OR56A3: variants seen among roughly 807,000 people sequenced by gnomAD.
OR56A3 encodes olfactory receptor family 56 subfamily A member 3, also known as olfactory receptor 56A3.
Under a neutral mutation model 17.5 loss-of-function variants are expected in OR56A3, and 23 were observed. That is an observed-to-expected ratio of 1.32 (90% CI 0.95 to 1.87). The LOEUF (loss-of-function observed/expected upper bound fraction) is 1.87, where lower values mean the gene tolerates loss of function less well. Ranked by LOEUF, OR56A3 falls within the 40% of genes most tolerant of loss-of-function variation. The probability of loss-of-function intolerance (pLI) is 0.00; values close to 1 mark genes in which losing one functional copy is unlikely to be tolerated. For missense variants in OR56A3, 366 were observed against 380.1 expected, an observed-to-expected ratio of 0.96 and a Z score of 0.31; for synonymous variants, 175 against 150.6, an observed-to-expected ratio of 1.16 and a Z score of -1.19.
the OR56A3 span, chr11:5,967,324 T>C: frequency 6.0e-6 from 3 of 500,402 alleles, no homozygotes; most frequent in East Asian, 9.7e-5. Context: ...ATAGATGAAG[T>C]CAAGAAAAAC....
At chr11:5,971,482 C>T in the OR56A3 span, among the ~76,000 whole-genome samples, 8 of 152,150 alleles carry the variant, frequency 5.3e-5, no homozygotes, top group Non-Finnish European at 7.3e-5. Context: ...GTCCTCATTC[C>T]TCCCTCACAT....
chr11:5,978,125 A>G, the OR56A3 span, among the ~76,000 whole-genome samples: 2 of 152,220 alleles, frequency 1.3e-5, no homozygotes, highest in African/African-American at 4.8e-5. Flanking sequence ...GTACAGTTTG[A>G]AGTTGGGTAA....
chr11:5,983,696 T>G, the OR56A3 span, among the ~76,000 whole-genome samples: 1 of 152,236 alleles, frequency 6.6e-6, no homozygotes, highest in Admixed American at 6.5e-5. Context: ...TCTCTCCGGT[T>G]TCTTCTCTCC....
the OR56A3 span, chr11:5,999,886 T>A: frequency 6.6e-6 from 1 of 152,210 alleles, no homozygotes; most frequent in Admixed American, 6.5e-5. Context: ...AGAATAATGA[T>A]TCCAGTCGGG....
chr11:5,954,580 G>A (rs1847923578), downstream of OR56A3, among the ~76,000 whole-genome samples: 1 of 152,058 alleles, frequency 6.6e-6, no homozygotes, highest in African/African-American at 2.4e-5. Flanking sequence ...TTTAAATAAT[G>A]TTTTCATTGG....
the OR56A3 span, among the ~76,000 whole-genome samples, chr11:5,973,972 G>T: frequency 6.6e-6 from 1 of 152,226 alleles, no homozygotes; most frequent in Non-Finnish European, 1.5e-5. Context: ...TACTAAGTTT[G>T]AGGAATGTTG....
At chr11:5,998,556 T>C in the OR56A3 span, among the ~76,000 whole-genome samples, 1 of 152,182 alleles carries the variant, frequency 6.6e-6, no homozygotes, top group African/African-American at 2.4e-5. Flanking sequence ...CAGCGAGTAA[T>C]AACCGACCAG....
At chr11:5,993,696 T>A in the OR56A3 span, among the ~76,000 whole-genome samples, 2 of 152,244 alleles carry the variant, frequency 1.3e-5, no homozygotes, top group African/African-American at 4.8e-5. Context: ...CATGTCATTT[T>A]AAATTTTTAG....
chr11:5,989,829 G>A, the OR56A3 span, among the ~76,000 whole-genome samples: 3 of 152,116 alleles, frequency 2.0e-5, no homozygotes, highest in Non-Finnish European at 2.9e-5. Flanking sequence ...AGGAGGTCCC[G>A]CTATGATTCT....
At chr11:6,020,147 A>G in the OR56A3 span, 1 of 152,136 alleles carries the variant, frequency 6.6e-6, no homozygotes. Context: ...AGAATTCTGC[A>G]TAAACTCAAA....
chr11:5,985,337 T>C, the OR56A3 span, among the ~76,000 whole-genome samples: 1 of 152,236 alleles, frequency 6.6e-6, no homozygotes, highest in African/African-American at 2.4e-5. Flanking sequence ...CACATATAGA[T>C]TTCTTCCTTG....
At chr11:5,963,461 C>A in the OR56A3 span, among the ~76,000 whole-genome samples, 1 of 151,400 alleles carries the variant, frequency 6.6e-6, no homozygotes, top group African/African-American at 2.4e-5. Context: ...TCCTGGTTGG[C>A]AGATTTTTTG....
chr11:5,999,336 T>A, the OR56A3 span: 1 of 152,208 alleles, frequency 6.6e-6, no homozygotes, highest in African/African-American at 2.4e-5. Flanking sequence ...ATAATAATGA[T>A]AAATCATTCA....
the OR56A3 span, among the ~76,000 whole-genome samples, chr11:6,018,721 A>C: frequency 0.026 from 3,851 of 149,530 alleles, 161 homozygotes; most frequent in African/African-American, 0.085. Context: ...AGCCTCAAAA[A>C]GACAAAAAAT....
the OR56A3 span, among the ~76,000 whole-genome samples, chr11:5,981,973 G>A: frequency 1.3e-5 from 2 of 152,176 alleles, no homozygotes; most frequent in Non-Finnish European, 2.9e-5. Context: ...ACCCTGAGGA[G>A]CTGGGACAAG....
At chr11:5,967,216 T>C in the OR56A3 span, 62,829 of 212,590 alleles carry the variant, frequency 0.3, 9,842 homozygotes, top group East Asian at 0.45. Flanking sequence ...ATACAGGAAT[T>C]GAGAAACATT....
the OR56A3 span, among the ~76,000 whole-genome samples, chr11:5,973,912 T>G: frequency 6.6e-6 from 1 of 152,196 alleles, no homozygotes; most frequent in Non-Finnish European, 1.5e-5. Context: ...GGCTGCTTCT[T>G]TGTAGCCAGA....
At chr11:5,979,519 A>G in the OR56A3 span, among the ~76,000 whole-genome samples, 1 of 152,110 alleles carries the variant, frequency 6.6e-6, no homozygotes, top group Non-Finnish European at 1.5e-5. Flanking sequence ...AGATGTTCAT[A>G]ATAGTCTCTG....
the OR56A3 span, among the ~76,000 whole-genome samples, chr11:6,014,333 C>T: frequency 4.7e-5 from 7 of 149,152 alleles, no homozygotes; most frequent in Non-Finnish European, 7.6e-5. Context: ...GATTGACTCA[C>T]GGGGGTGCTT....
Sources: allele counts gnomAD v4.1 joint callset (sites outside exome capture counted in the v4.1 genomes callset), GRCh38; gene constraint gnomAD v4.1.1; transcripts MANE v1.5; gene names NCBI Gene and HGNC (gene_info 2026-07-23, HGNC 2026-07-21).